DNAJC5B: variants seen among roughly 807,000 people sequenced by gnomAD.
The protein encoded by DNAJC5B is dnaJ homolog subfamily C member 5B.
DNAJC5B carries 23 observed loss-of-function variants against 24.7 expected under a neutral mutation model. The observed-to-expected ratio is 0.93, with a 90% CI of 0.67 to 1.32. The LOEUF is 1.32. Among genes scored for constraint, DNAJC5B ranks in the 40% most tolerant of loss-of-function variants. The pLI, the probability that DNAJC5B is intolerant of heterozygous loss-of-function variation, is 0.00. For missense variants in DNAJC5B, 238 were observed against 240.8 expected (o/e 0.99, Z 0.08); for synonymous variants, 101 against 90.1 (o/e 1.12, Z -0.68).
rs76713457 is a variant in DNAJC5B, at chr8:66,098,895, T to C, written c.506-1042T>C. Among the ~76,000 whole-genome samples, 1,184 of 152,276 alleles carry C rather than the reference T, an allele frequency of 7.8e-3. 4 individuals carry two copies. The highest frequency in any genetic ancestry group is 0.013 in the Non-Finnish European group (861 of 68,024). On this transcript the variant is annotated intron_variant, in intron 5 of 5. Coordinates refer to ENST00000276570, the MANE Select transcript of DNAJC5B (RefSeq NM_033105.6). ...ATTCTGTGTCTGATAAAAGCAGTTA[T>C]TGAAGTCTTTCTGGGTCTGATTTAG... is the stretch of plus-strand genomic sequence containing the variant.
chr8:66,038,601 T>C (rs1278510025), intron 1 of DNAJC5B, among the ~76,000 whole-genome samples: 1 of 152,152 alleles, frequency 6.6e-6, no homozygotes, highest in Non-Finnish European at 1.5e-5. Context: ...TCAGTTTAAC[T>C]CAAGAAGTAT....
At chr8:66,074,023 T>A (rs1350835461) in intron 3 of DNAJC5B, among the ~76,000 whole-genome samples, 1 of 152,220 alleles carries the variant, frequency 6.6e-6, no homozygotes, top group East Asian at 1.9e-4. Flanking sequence ...AGAAGATATA[T>A]GCAATACATA....
Position 66,051,686 on chromosome 8 carries a change from C to T in DNAJC5B, c.119+20C>T. Reference sequence around the variant, plus strand: ...CTACAGGTACGGATTTCAATGGTGACATTTCTTCTGCTACTAGTGAGTTAT... The same window carrying T: ...CTACAGGTACGGATTTCAATGGTGATATTTCTTCTGCTACTAGTGAGTTAT... On this transcript the variant is annotated intron_variant, in intron 3 of 5. Transcript: ENST00000276570. The T allele has an allele frequency of 6.4e-7, 1 of 1,556,912 alleles. No individual in the cohort carries two copies.
intron 3 of DNAJC5B, among the ~76,000 whole-genome samples, chr8:66,068,083 A>G (rs544731512): frequency 6.6e-6 from 1 of 152,350 alleles, no homozygotes; most frequent in Non-Finnish European, 1.5e-5. Flanking sequence ...AAATCTGAAA[A>G]TAGGAAATAA....
intron 1 of DNAJC5B, among the ~76,000 whole-genome samples, chr8:66,028,304 C>A (rs1806290220): frequency 6.6e-6 from 1 of 152,164 alleles, no homozygotes; most frequent in African/African-American, 2.4e-5. Flanking sequence ...ACAACTCATT[C>A]TTGGCGTGCA....
Position 66,100,164 on chromosome 8 carries a change from A to C in DNAJC5B, c.*133A>C. ...GTTGTTTTATTTTTGGGTTAGGAAA[A>C]CATGATTGCTATATAATTTTCTCAG... On this transcript the variant is annotated 3_prime_UTR_variant, in exon 6 of 6. Coordinates refer to ENST00000276570, the MANE Select transcript of DNAJC5B (RefSeq NM_033105.6). The C allele has an allele frequency of 1.5e-6, 1 of 686,908 alleles. No individual in the cohort carries two copies. The allele number at this position is 686,908 out of a possible 1,614,324, so 42.6% of individuals were successfully genotyped here.
At chr8:66,084,299 A>G (rs1289397818) in intron 5 of DNAJC5B, among the ~76,000 whole-genome samples, 2 of 152,182 alleles carry the variant, frequency 1.3e-5, no homozygotes, top group Non-Finnish European at 2.9e-5. Context: ...TCTACTAGCC[A>G]CTTAAAAATC....
chr8:66,065,873 T>G (rs1163756565), intron 3 of DNAJC5B, among the ~76,000 whole-genome samples: 1 of 152,096 alleles, frequency 6.6e-6, no homozygotes, highest in Non-Finnish European at 1.5e-5. Context: ...GGTCTAGTTA[T>G]GTCATCCAGC....
chr8:66,060,650 C>A (rs1191753521), intron 3 of DNAJC5B, among the ~76,000 whole-genome samples: 1 of 152,142 alleles, frequency 6.6e-6, no homozygotes, highest in African/African-American at 2.4e-5. Context: ...TTCTTGTTGG[C>A]ACATAAAGGA....
intron 5 of DNAJC5B, among the ~76,000 whole-genome samples, chr8:66,093,515 G>T (rs1019511316): frequency 6.6e-6 from 1 of 152,050 alleles, no homozygotes; most frequent in Non-Finnish European, 1.5e-5. Flanking sequence ...TATGTTCATT[G>T]CTCATTTGGG....
intron 2 of DNAJC5B, among the ~76,000 whole-genome samples, chr8:66,046,459 T>C (rs1806725065): frequency 1.3e-5 from 2 of 152,192 alleles, no homozygotes; most frequent in Admixed American, 1.3e-4. Context: ...TTGTGAGGAT[T>C]AGATGAGATA....
intron 5 of DNAJC5B, among the ~76,000 whole-genome samples, chr8:66,087,409 T>C (rs984334504): frequency 6.6e-6 from 1 of 152,174 alleles, no homozygotes; most frequent in African/African-American, 2.4e-5. Flanking sequence ...AACCATATCA[T>C]TCTGCCCCTG....
chr8:66,082,988 A>C (rs1426826028), intron 5 of DNAJC5B, among the ~76,000 whole-genome samples: 3 of 98,058 alleles, frequency 3.1e-5, no homozygotes, highest in African/African-American at 7.6e-5. Context: ...ATTTTGTAAT[A>C]TTTTCTTTTC....
At chr8:66,068,322 T>A (rs953398588) in intron 3 of DNAJC5B, among the ~76,000 whole-genome samples, 2 of 151,482 alleles carry the variant, frequency 1.3e-5, no homozygotes, top group African/African-American at 4.8e-5. Context: ...AGACTGAGAA[T>A]TTTTTTTTAA....
At chr8:66,069,850 G>T (rs909158540) in intron 3 of DNAJC5B, among the ~76,000 whole-genome samples, 3 of 152,192 alleles carry the variant, frequency 2.0e-5, no homozygotes, top group African/African-American at 4.8e-5. Context: ...ACATCAAAAG[G>T]CTTGTCCATC....
chr8:66,036,988 G>T (rs1806501850), intron 1 of DNAJC5B, among the ~76,000 whole-genome samples: 7 of 152,146 alleles, frequency 4.6e-5, no homozygotes, highest in Admixed American at 4.6e-4. Context: ...CTGTGTCCCA[G>T]GCCAGAGCTA....
At chr8:66,087,395 G>A (rs1460634886) in intron 5 of DNAJC5B, among the ~76,000 whole-genome samples, 1 of 152,134 alleles carries the variant, frequency 6.6e-6, no homozygotes, top group Non-Finnish European at 1.5e-5. Context: ...GGGACGCAGA[G>A]CCAAACCATA....
In DNAJC5B at chr8:66,082,125, G is replaced by A. The variant is rs532492339; in HGVS notation, c.505+1577G>A. 5.3e-5 allele frequency among the ~76,000 whole-genome samples: 8 copies of A among 152,092 alleles called. No individual in the cohort carries two copies. In the South Asian group the frequency reaches 1.7e-3, roughly 32 times the overall value. The stretch of plus-strand genomic sequence containing the variant: ...GAAACTGTTACAAGATTATGTCAGG[G>A]GTTGCTGGCCCCATAGACCATAGGA... On this transcript the variant is annotated intron_variant, in intron 5 of 5. Coordinates refer to ENST00000276570, the MANE Select transcript of DNAJC5B (RefSeq NM_033105.6).
At chr8:66,055,639 T>C (rs752332892) in intron 3 of DNAJC5B, among the ~76,000 whole-genome samples, 1 of 152,132 alleles carries the variant, frequency 6.6e-6, no homozygotes, top group Non-Finnish European at 1.5e-5. Flanking sequence ...AGATCTTATG[T>C]CTAAATAAGC....
Sources: allele counts gnomAD v4.1 joint callset (sites outside exome capture counted in the v4.1 genomes callset), GRCh38; gene constraint gnomAD v4.1.1; transcripts MANE v1.5; gene names NCBI Gene and HGNC (gene_info 2026-07-23, HGNC 2026-07-21).